The following CEP70 variants were observed in gnomAD, a reference collection of about 807,000 sequenced individuals.
The protein encoded by CEP70 is centrosomal protein of 70 kDa.
In CEP70, 70 loss-of-function variants were observed where a neutral mutation model predicts 90.9. The ratio of observed to expected loss-of-function variants is 0.77; its 90% CI spans 0.64 to 0.94. The LOEUF (loss-of-function observed/expected upper bound fraction) is 0.94. Among genes scored for constraint, CEP70 ranks in the 40% least tolerant of loss-of-function variants. The pLI is 0.00. For synonymous variants in CEP70, 220 were observed against 228.3 expected (o/e 0.96, Z 0.33); for missense variants, 648 against 669.0 (o/e 0.97, Z 0.35).
chr3:138,526,241 A>C (rs1437539888), intron 10 of CEP70, among the ~76,000 whole-genome samples: 5 of 151,918 alleles, frequency 3.3e-5, no homozygotes, highest in Non-Finnish European at 7.4e-5. Context: ...GCTTACTGCA[A>C]CCTCCACCTC....
At chr3:138,498,338 CTTTT>C (rs200581423) in intron 16 of CEP70, among the ~76,000 whole-genome samples, 2 of 135,882 alleles carry the variant, frequency 1.5e-5, no homozygotes, top group Non-Finnish European at 1.6e-5. Flanking sequence ...ATATAACATT[CTTTT>C]TTTTTTTTTT....
At chr3:138,566,818 TA>T (rs1553862504) in intron 6 of CEP70, among the ~76,000 whole-genome samples, 133 of 146,550 alleles carry the variant, frequency 9.1e-4, no homozygotes, top group African/African-American at 2.6e-3. Context: ...TATATATATA[TA>T]AAAAAAAAAC....
At chr3:138,497,977 A>T in intron 17 of CEP70, 54 bp downstream of exon 17, 1 of 1,605,428 alleles carries the variant, frequency 6.2e-7, no homozygotes, top group Non-Finnish European at 8.5e-7. Flanking sequence ...CCTTTTCTTA[A>T]ATGCACTGAC....
At chr3:138,510,729 C>T (rs114744530) in intron 11 of CEP70, among the ~76,000 whole-genome samples, 354 of 152,238 alleles carry the variant, frequency 2.3e-3, no homozygotes, top group African/African-American at 8.1e-3. Context: ...CCCCCCTTGT[C>T]AGTGGGGGAT....
At chr3:138,585,840 T>C (rs1430062604) in intron 2 of CEP70, among the ~76,000 whole-genome samples, 2 of 152,192 alleles carry the variant, frequency 1.3e-5, no homozygotes, top group East Asian at 3.8e-4. Flanking sequence ...TGCAGAAGAA[T>C]GGAACTAGAC....
At chr3:138,526,172 T>C (rs929063373) in intron 10 of CEP70, among the ~76,000 whole-genome samples, 20 of 152,170 alleles carry the variant, frequency 1.3e-4, no homozygotes, top group Non-Finnish European at 2.1e-4. Flanking sequence ...TGTTTTTTGT[T>C]TTTTTTGAGA....
chr3:138,572,069 C>CA (rs35072452), intron 3 of CEP70, among the ~76,000 whole-genome samples: 89,809 of 151,948 alleles, frequency 0.59, 27,089 homozygotes, highest in East Asian at 0.94. Context: ...TGAGCCACCG[C>CA]CCCAGCCCCT....
At chr3:138,511,739 T>C (rs565047919) in intron 11 of CEP70, among the ~76,000 whole-genome samples, 6 of 152,234 alleles carry the variant, frequency 3.9e-5, no homozygotes, top group Non-Finnish European at 7.3e-5. Context: ...GAGAGCCTTC[T>C]CTATGCAGGA....
At chr3:138,505,756 A>G (rs1204252504) in intron 12 of CEP70, among the ~76,000 whole-genome samples, 1 of 152,178 alleles carries the variant, frequency 6.6e-6, no homozygotes, top group Non-Finnish European at 1.5e-5. Context: ...GAAGGCAAGA[A>G]AAAAACCAGT....
intron 2 of CEP70, among the ~76,000 whole-genome samples, chr3:138,579,109 T>C (rs1214928121): frequency 2.0e-5 from 3 of 152,190 alleles, no homozygotes; most frequent in Non-Finnish European, 4.4e-5. Context: ...AACTTTGCAT[T>C]GAAAGGCAGT....
At chr3:138,499,887 GT>G (rs2034328779) in intron 16 of CEP70, 1 of 446,202 alleles carries the variant, frequency 2.2e-6, no homozygotes. Context: ...AGGTAAATAA[GT>G]TTTGAAAGTC....
At chr3:138,505,538 G>A in intron 12 of CEP70, 73 bp from the exon 13 acceptor site, 8 of 942,642 alleles carry the variant, frequency 8.5e-6, no homozygotes, top group Non-Finnish European at 1.2e-5. Context: ...TTAAAGGAGT[G>A]CTTTATGTCT....
rs1236378835 is a variant in CEP70, at chr3:138,505,466, C to T, written c.1051-1G>A. 1 of 1,563,924 alleles carries T rather than the reference C, an allele frequency of 6.4e-7. No homozygotes were observed. The highest frequency in any genetic ancestry group is 8.6e-7 in the Non-Finnish European group (1 of 1,160,274). ...TAATTGAATTGATGCTACACAGCAC[C>T]TTTAAAAAAACATAGTGTATATAGT... is the stretch of plus-strand genomic sequence containing the variant. On this transcript the variant is annotated splice_acceptor_variant, in intron 12 of 17. Transcript: ENST00000264982. LOFTEE classifies it high-confidence loss of function.
At chr3:138,591,123 C>T (rs1035605025) in intron 2 of CEP70, among the ~76,000 whole-genome samples, 4 of 152,026 alleles carry the variant, frequency 2.6e-5, no homozygotes, top group Non-Finnish European at 5.9e-5. Context: ...TATTTGAAAT[C>T]CAAAATGCTC....
chr3:138,554,848 C>T (rs1303430925), intron 6 of CEP70, among the ~76,000 whole-genome samples: 1 of 152,120 alleles, frequency 6.6e-6, no homozygotes, highest in Non-Finnish European at 1.5e-5. Context: ...GATTTTTTCC[C>T]ACTCTGTGGG....
At chr3:138,516,114 C>G (rs565808896) in intron 11 of CEP70, among the ~76,000 whole-genome samples, 1 of 152,116 alleles carries the variant, frequency 6.6e-6, no homozygotes, top group Non-Finnish European at 1.5e-5. Flanking sequence ...CACGATTGTA[C>G]GTTTAGTACT....
At position 138,505,388 on chromosome 3, in the gene CEP70, G is replaced by T; in HGVS notation, c.1128C>A (p.Val376=). ...GAACAAGATCTTTATTAAAATTTTG[G>T]ACTCCCCCTTTGGTCTGTTTATAAA... ...VIIYKQTKGG[V]QNFNKDLVQD... Residue 376 remains valine (V), a synonymous_variant, in exon 13 of 18, where the codon GTC becomes GTA. Coordinates refer to ENST00000264982, the MANE Select transcript of CEP70 (RefSeq NM_024491.4). 2.5e-6 allele frequency: 4 copies of T among 1,611,824 alleles called. No individual in the cohort carries two copies. The highest frequency in any genetic ancestry group is 3.4e-6 in the Non-Finnish European group (4 of 1,179,112).
rs138506086 is a variant in CEP70 at position 138,500,715 on chromosome 3, A to C, written c.1368+20T>G. ...TTGAGATAAGAAACATTAGAAGGTG[A>C]CCGTTCATGTAGGTATTACCTTTTC... On this transcript the variant is annotated intron_variant, in intron 14 of 17. Coordinates refer to ENST00000264982, the MANE Select transcript of CEP70 (RefSeq NM_024491.4). The C allele has an allele frequency of 6.4e-7, 1 of 1,559,310 alleles. No individual in the cohort carries two copies. The highest frequency in any genetic ancestry group is 8.7e-7 in the Non-Finnish European group (1 of 1,155,492).
At chr3:138,546,635 G>C (rs1393509969) in intron 6 of CEP70, among the ~76,000 whole-genome samples, 2 of 152,092 alleles carry the variant, frequency 1.3e-5, no homozygotes, top group East Asian at 3.9e-4. Flanking sequence ...TGTAGTCCCA[G>C]CTACTCAGGA....
Sources: gnomAD v4.1 joint callset for allele counts (sites outside exome capture counted in the v4.1 genomes callset) on GRCh38, gnomAD v4.1.1 for gene constraint, MANE v1.5 for transcripts, NCBI Gene and HGNC (gene_info 2026-07-23, HGNC 2026-07-21) for gene names.